The following SLC4A5 variants were observed in gnomAD, a reference collection of about 807,000 sequenced individuals.
The protein encoded by SLC4A5 is electrogenic sodium bicarbonate cotransporter 4.
A neutral mutation model predicts 120.4 loss-of-function variants in SLC4A5; 96 were observed. The observed-to-expected ratio is 0.80, with a 90% CI of 0.68 to 0.94. The LOEUF is 0.94. Among genes scored for constraint, SLC4A5 ranks in the 40% least tolerant of loss-of-function variants. The pLI is 0.00. For synonymous variants in SLC4A5, 550 were observed against 571.1 expected (o/e 0.96, Z 0.53); for missense variants, 1,259 against 1,459.5 (o/e 0.86, Z 2.24).
chr2:74,274,768 C>T (rs1190230288), intron 8 of SLC4A5, among the ~76,000 whole-genome samples: 4 of 152,204 alleles, frequency 2.6e-5, no homozygotes, highest in African/African-American at 4.8e-5. Context: ...GATTTACAAT[C>T]GTTATAGGGG....
At chr2:74,290,383 G>A (rs1294261708) in intron 7 of SLC4A5, 1 of 985,104 alleles carries the variant, frequency 1.0e-6, no homozygotes, top group Non-Finnish European at 1.2e-6. Context: ...TTTGTTTCCA[G>A]TTAAGCACCA....
intron 12 of SLC4A5, among the ~76,000 whole-genome samples, chr2:74,258,919 T>C (rs1036698386): frequency 6.6e-6 from 1 of 152,200 alleles, no homozygotes; most frequent in Non-Finnish European, 1.5e-5. Context: ...GTCTCAGGTT[T>C]CCTTTGTCAT....
intron 7 of SLC4A5, among the ~76,000 whole-genome samples, chr2:74,291,734 T>G (rs1672178747): frequency 6.6e-6 from 1 of 152,210 alleles, no homozygotes; most frequent in Non-Finnish European, 1.5e-5. Flanking sequence ...CCTCCCATAG[T>G]GTTGGGATTA....
chr2:74,306,202 T>C (rs890204210), intron 6 of SLC4A5, among the ~76,000 whole-genome samples: 7 of 152,182 alleles, frequency 4.6e-5, no homozygotes, highest in Admixed American at 1.3e-4. Flanking sequence ...AAGGTGAGCA[T>C]GACCATAAGC....
At chr2:74,224,103 G>C (rs1222335845) in intron 28 of SLC4A5, among the ~76,000 whole-genome samples, 2 of 152,174 alleles carry the variant, frequency 1.3e-5, no homozygotes, top group Admixed American at 1.3e-4. Context: ...TTTTGGGTAA[G>C]TCACTTCCTT....
chr2:74,316,267 C>A (rs1248615863), intron 5 of SLC4A5, among the ~76,000 whole-genome samples: 2 of 128,402 alleles, frequency 1.6e-5, no homozygotes, highest in Non-Finnish European at 3.1e-5. Context: ...AAAGACACCA[C>A]AATCAGTCAT....
exon 31 of SLC4A5, chr2:74,218,238 A>G (rs1229724044): frequency 6.6e-6 from 1 of 152,248 alleles, no homozygotes; most frequent in African/African-American, 2.4e-5. Flanking sequence ...GTATATTACA[A>G]GTTTGTTTGA....
chr2:74,307,205 G>C (rs1158428356), intron 6 of SLC4A5: 4 of 544,830 alleles, frequency 7.3e-6, no homozygotes, highest in Non-Finnish European at 1.4e-5. Context: ...TCTGCTGAGA[G>C]CAGTACTTGT....
At chr2:74,307,707 TC>T in intron 6 of SLC4A5, 1 of 828,070 alleles carries the variant, frequency 1.2e-6, no homozygotes, top group Non-Finnish European at 2.0e-6. Context: ...GTTATCAGTC[TC>T]CAGGCTCCTC....
rs769366638 is a variant in SLC4A5, at chr2:74,233,382, G to A, written c.2595+20C>T. The A allele has an allele frequency of 8.7e-6, 14 of 1,613,472 alleles. No homozygotes were observed. The highest frequency in any genetic ancestry group is 2.7e-5 in the African/African-American group (2 of 74,920). On this transcript the variant is annotated intron_variant, in intron 23 of 30. Transcript: ENST00000394019. ...GTGGGAAGAAAGAGGTTATGCCTCT[G>A]CTCCTAGTACCGGCCTTACCTTCAG...
At chr2:74,287,828 C>T (rs969223404) in intron 7 of SLC4A5, among the ~76,000 whole-genome samples, 9 of 152,148 alleles carry the variant, frequency 5.9e-5, no homozygotes, top group Admixed American at 3.3e-4. Flanking sequence ...CCTCTCTCCA[C>T]CCTCTTTCTC....
rs1161924609 is a variant in SLC4A5, at chr2:74,284,332, G to A, written c.401+1441C>T. 1.1e-4 allele frequency among the ~76,000 whole-genome samples: 13 copies of A among 116,150 alleles called. 4 individuals are homozygous for A. The highest frequency in any genetic ancestry group is 5.1e-4 in the South Asian group (2 of 3,914). 76.2% of individuals were successfully genotyped at this position (116,150 alleles called of 152,430 possible). ...GCTGGGACTACAGGCGCCCGCCACCGCGCCCGGCTAATTTTTTTTTTGTAT... is the reference window on the plus strand; with the variant it reads ...GCTGGGACTACAGGCGCCCGCCACCACGCCCGGCTAATTTTTTTTTTGTAT... On this transcript the variant is annotated intron_variant, in intron 8 of 30. Transcript: ENST00000394019.
chr2:74,224,906 C>T (rs759832977), exon 28 of SLC4A5: 19 of 1,613,254 alleles, frequency 1.2e-5, no homozygotes, highest in Admixed American at 3.3e-5. Flanking sequence ...CCTTTTTTTC[C>T]TTCTCTGGGA....
intron 5 of SLC4A5, among the ~76,000 whole-genome samples, chr2:74,317,352 G>GT (rs34429934): frequency 2.1e-4 from 32 of 150,638 alleles, no homozygotes; most frequent in African/African-American, 2.7e-4. Flanking sequence ...GGAACAGATA[G>GT]TTTTTTTTTT....
rs762846247 is a variant in SLC4A5 at position 74,264,525 on chromosome 2, CTCTT to C, written c.563-230_563-227del. Among the ~76,000 whole-genome samples, 142 of 97,800 alleles carry C rather than the reference CTCTT, an allele frequency of 1.5e-3. 1 individual carries two copies. The highest frequency in any genetic ancestry group is 9.4e-3 in the Middle Eastern group (2 of 212). 64.2% of individuals were successfully genotyped at this position (97,800 alleles called of 152,430 possible). ...GTGTGTGTGTGTGTGTGTGTGTCTG[CTCTT>C]TCTGTCAATGTTCTTATGAAAAGTG... On this transcript the variant is annotated intron_variant, in intron 9 of 30. Transcript: ENST00000394019.
chr2:74,227,106 G>T, exon 27 of SLC4A5: 1 of 1,613,502 alleles, frequency 6.2e-7, no homozygotes, highest in Non-Finnish European at 8.5e-7. Flanking sequence ...GCTGGCATCA[G>T]GAAGAGCTTG....
chr2:74,288,754 A>T (rs896387760), intron 7 of SLC4A5, among the ~76,000 whole-genome samples: 2 of 152,164 alleles, frequency 1.3e-5, no homozygotes, highest in Non-Finnish European at 2.9e-5. Flanking sequence ...TCCAACTGAC[A>T]ATTGGACTGC....
exon 28 of SLC4A5, chr2:74,224,903 T>C (rs776967623): frequency 6.2e-7 from 1 of 1,614,190 alleles, no homozygotes; most frequent in South Asian, 1.1e-5. Flanking sequence ...TCTCCTTTTT[T>C]TCCTTCTCTG....
chr2:74,341,146 A>G (rs1474525484), intron 2 of SLC4A5, among the ~76,000 whole-genome samples: 1 of 152,040 alleles, frequency 6.6e-6, no homozygotes, highest in Non-Finnish European at 1.5e-5. Context: ...CTCTACTAAA[A>G]ATACAAAAAT....
Sources: gnomAD v4.1 joint callset for allele counts (sites outside exome capture counted in the v4.1 genomes callset) on GRCh38, gnomAD v4.1.1 for gene constraint, MANE v1.5 for transcripts, NCBI Gene and HGNC (gene_info 2026-07-23, HGNC 2026-07-21) for gene names.